Variants in ZNF521 observed in about 807,000 individuals in gnomAD.
ZNF521 encodes LYST-interacting protein 3.
A neutral mutation model predicts 105.5 loss-of-function variants in ZNF521; 14 were observed. That is an observed-to-expected ratio of 0.13 (90% confidence interval 0.09 to 0.21). The LOEUF (loss-of-function observed/expected upper bound fraction) is 0.21. Among genes scored for constraint, ZNF521 ranks in the 10% least tolerant of loss-of-function variants. ZNF521 has a pLI of 1.00. For synonymous variants in ZNF521, 635 were observed against 606.0 expected, an observed-to-expected ratio of 1.05 and a Z score of -0.70; for missense variants, 1,233 against 1,629.7, an observed-to-expected ratio of 0.76 and a Z score of 4.19.
intron 2 of ZNF521, among the ~76,000 whole-genome samples, chr18:25,347,358 G>A (rs552230590): frequency 6.6e-6 from 1 of 152,318 alleles, no homozygotes; most frequent in African/African-American, 2.4e-5. Flanking sequence ...CATAAGGACA[G>A]AATAAGTTTG....
At chr18:25,127,007 G>A (rs913239673) in intron 5 of ZNF521, among the ~76,000 whole-genome samples, 3 of 151,890 alleles carry the variant, frequency 2.0e-5, no homozygotes, top group Non-Finnish European at 4.4e-5. Context: ...TTATTGGTGG[G>A]GAATACTTTA....
At chr18:25,351,741 C>A (rs1378601338) in intron 1 of ZNF521, 2 of 155,534 alleles carry the variant, frequency 1.3e-5, no homozygotes, top group Non-Finnish European at 1.4e-5. Flanking sequence ...GAGCCGACGG[C>A]CCCCAGGTGG....
chr18:25,235,118 A>G (rs574049590), intron 3 of ZNF521, among the ~76,000 whole-genome samples: 15 of 152,330 alleles, frequency 9.8e-5, no homozygotes, highest in Admixed American at 5.9e-4. Context: ...TGAGTGTTGT[A>G]AAGTCCACAC....
At chr18:25,066,395 C>T (rs1423211756) in intron 7 of ZNF521, among the ~76,000 whole-genome samples, 3 of 152,160 alleles carry the variant, frequency 2.0e-5, no homozygotes, top group Non-Finnish European at 4.4e-5. Flanking sequence ...TATTTCAAGT[C>T]CACTGGAAAT....
At chr18:25,080,897 A>G (rs2033478777) in intron 7 of ZNF521, among the ~76,000 whole-genome samples, 1 of 152,252 alleles carries the variant, frequency 6.6e-6, no homozygotes, top group Admixed American at 6.5e-5. Context: ...GCCTCTCTAG[A>G]TTGCAGAATG....
chr18:25,150,962 C>T (rs372985964), intron 5 of ZNF521, among the ~76,000 whole-genome samples: 1 of 148,788 alleles, frequency 6.7e-6, no homozygotes, highest in African/African-American at 2.5e-5. Flanking sequence ...GATCACGGCT[C>T]ACTGTAGCCT....
At chr18:25,329,407 A>G (rs1393751435) in intron 2 of ZNF521, among the ~76,000 whole-genome samples, 1 of 152,202 alleles carries the variant, frequency 6.6e-6, no homozygotes, top group Non-Finnish European at 1.5e-5. Context: ...AAGTACTCAG[A>G]TGGAGGGGCA....
rs199923169 is a variant in ZNF521, at chr18:25,143,162, CT to C, written c.3659-51082del. ...TTATCATATTTTCTACATTTATACT[CT>C]TTTTTTTAGCATTTTGAACATAGTA... On this transcript the variant is annotated intron_variant, in intron 5 of 7. Transcript: ENST00000361524. Among the ~76,000 whole-genome samples the C allele has an allele frequency of 1.4e-4, 21 of 152,030 alleles. No homozygotes were observed. The East Asian group carries it at 3.1e-3, about 22-fold the overall frequency.
intron 5 of ZNF521, among the ~76,000 whole-genome samples, chr18:25,164,321 G>A (rs921083503): frequency 7.9e-5 from 12 of 152,166 alleles, no homozygotes; most frequent in South Asian, 4.1e-4. Context: ...GGGCAGGAGA[G>A]CCAACCCCAA....
chr18:25,182,653 G>A (rs2035652126), intron 5 of ZNF521, among the ~76,000 whole-genome samples: 1 of 152,014 alleles, frequency 6.6e-6, no homozygotes, highest in African/African-American at 2.4e-5. Flanking sequence ...TGAAACCTAT[G>A]TTTCTTCTTA....
chr18:25,180,522 AAAC>A (rs1393131768), intron 5 of ZNF521, among the ~76,000 whole-genome samples: 1 of 151,854 alleles, frequency 6.6e-6, no homozygotes, highest in Non-Finnish European at 1.5e-5. Context: ...CAAAAAAAAA[AAAC>A]CCCACATTTA....
rs1908696758 is a variant in ZNF521, at chr18:25,258,796, C to T, written c.221-31099G>A. Among the ~76,000 whole-genome samples the T allele has an allele frequency of 3.9e-5, 6 of 152,152 alleles. No homozygotes were observed. The South Asian group carries it at 1.2e-3, about 32-fold the overall frequency. On this transcript the variant is annotated intron_variant, in intron 3 of 7. Coordinates refer to ENST00000361524, the MANE Select transcript of ZNF521 (RefSeq NM_015461.3). ...CCTCTCTATTTATAAAAGAAGACCA[C>T]TTATATGGGTTTCCTATGGGCTGCC...
intron 3 of ZNF521, among the ~76,000 whole-genome samples, chr18:25,267,631 C>A (rs1441070419): frequency 6.6e-6 from 1 of 152,150 alleles, no homozygotes; most frequent in African/African-American, 2.4e-5. Context: ...GATACCCCGG[C>A]AAACAGGGTC....
At chr18:25,301,708 A>G (rs1304013937) in intron 3 of ZNF521, among the ~76,000 whole-genome samples, 1 of 152,158 alleles carries the variant, frequency 6.6e-6, no homozygotes, top group Non-Finnish European at 1.5e-5. Context: ...GCTTGTTCCC[A>G]AAGAATGGGG....
intron 5 of ZNF521, among the ~76,000 whole-genome samples, chr18:25,174,703 C>T (rs1319563374): frequency 1.3e-5 from 2 of 152,186 alleles, no homozygotes; most frequent in Non-Finnish European, 2.9e-5. Flanking sequence ...GAATCACTTT[C>T]GTTCCAACTC....
intron 6 of ZNF521, among the ~76,000 whole-genome samples, chr18:25,091,709 A>G (rs755283162): frequency 6.6e-6 from 1 of 152,230 alleles, no homozygotes; most frequent in Non-Finnish European, 1.5e-5. Flanking sequence ...GGAAAAGTGC[A>G]AACTTCTGAG....
chr18:25,209,034 T>C (rs993575517), intron 4 of ZNF521, among the ~76,000 whole-genome samples: 1 of 152,222 alleles, frequency 6.6e-6, no homozygotes, highest in Non-Finnish European at 1.5e-5. Flanking sequence ...TCAAGTTAGA[T>C]TTAACGATGC....
intron 5 of ZNF521, among the ~76,000 whole-genome samples, chr18:25,188,807 GAAC>G (rs1195774552): frequency 1.3e-5 from 2 of 152,164 alleles, no homozygotes; most frequent in African/African-American, 4.8e-5. Flanking sequence ...TTCTCCTTGA[GAAC>G]AACATTTTTC....
chr18:25,075,840 C>A (rs2033348844), intron 7 of ZNF521, among the ~76,000 whole-genome samples: 1 of 152,190 alleles, frequency 6.6e-6, no homozygotes, highest in East Asian at 1.9e-4. Context: ...TCTTTTTCTC[C>A]CCTGAATCAG....
Sources: allele counts gnomAD v4.1 joint callset (sites outside exome capture counted in the v4.1 genomes callset), GRCh38; gene constraint gnomAD v4.1.1; transcripts MANE v1.5; gene names NCBI Gene and HGNC (gene_info 2026-07-23, HGNC 2026-07-21).